Variants in NFIA observed in about 807,000 individuals in gnomAD.
The protein encoded by NFIA is nuclear factor I A, also known as nuclear factor 1 A-type.
NFIA carries 8 observed loss-of-function variants against 62.8 expected under a neutral mutation model. That is an observed-to-expected ratio of 0.13 (90% CI 0.07 to 0.23). The LOEUF (loss-of-function observed/expected upper bound fraction) is 0.23, where lower values mean the gene tolerates loss of function less well. Ranked by LOEUF, NFIA falls within the 10% of genes least tolerant of loss-of-function variation. NFIA has a pLI of 1.00. For synonymous variants in NFIA, 235 were observed against 238.1 expected, an observed-to-expected ratio of 0.99 and a Z score of 0.12; for missense variants, 410 against 642.1, an observed-to-expected ratio of 0.64 and a Z score of 3.91.
intron 5 of NFIA, among the ~76,000 whole-genome samples, chr1:61,355,120 A>AT (rs955236740): frequency 6.6e-6 from 1 of 152,150 alleles, no homozygotes; most frequent in Admixed American, 6.6e-5. Context: ...CTTTTACCTT[A>AT]TTTTTTAGAT....
intron 2 of NFIA, chr1:61,132,622 A>G (rs1264489547): frequency 6.6e-6 from 1 of 152,206 alleles, no homozygotes; most frequent in Non-Finnish European, 1.5e-5. Flanking sequence ...GTTGCTGGCT[A>G]AAAAGACAAT....
At chr1:61,232,749 C>T (rs895912008) in intron 2 of NFIA, among the ~76,000 whole-genome samples, 1 of 152,072 alleles carries the variant, frequency 6.6e-6, no homozygotes, top group African/African-American at 2.4e-5. Flanking sequence ...TTTTCCTGCT[C>T]TAAGTATAAA....
intron 2 of NFIA, among the ~76,000 whole-genome samples, chr1:61,200,535 G>T (rs1652402512): frequency 6.6e-6 from 1 of 152,104 alleles, no homozygotes; most frequent in Non-Finnish European, 1.5e-5. Flanking sequence ...TGATCTGCCA[G>T]TCAACAATTG....
Position 61,088,028 on chromosome 1 carries a change from A to G in NFIA, c.28-121A>G. The G allele has an allele frequency of 2.0e-6, 2 of 993,118 alleles. No homozygotes were observed. The highest frequency in any genetic ancestry group is 2.9e-6 in the Non-Finnish European group (2 of 683,372). The allele number at this position is 993,118 out of a possible 1,614,324, so 61.5% of individuals were successfully genotyped here. A position where few individuals can be genotyped will look rare whatever the true frequency, so the allele number is the denominator to read the frequency against. On this transcript the variant is annotated intron_variant, in intron 1 of 10. Coordinates refer to ENST00000403491, the MANE Select transcript of NFIA (RefSeq NM_001134673.4). The surrounding 1 kb of genome is among the most constrained non-coding windows in gnomAD (Gnocchi z 4.5). Reference sequence around the variant, plus strand: ...ATCCTGTGTATGATTTTGGTAACAGAATGCTCTAATCAAATTTCAAGTGAA... The same window carrying G: ...ATCCTGTGTATGATTTTGGTAACAGGATGCTCTAATCAAATTTCAAGTGAA...
At chr1:61,260,137 G>A (rs779940315) in intron 2 of NFIA, among the ~76,000 whole-genome samples, 1 of 152,210 alleles carries the variant, frequency 6.6e-6, no homozygotes, top group Non-Finnish European at 1.5e-5. Context: ...GGTCGCAGAC[G>A]TCTTTCACAG....
chr1:61,162,592 C>T (rs925526086), intron 2 of NFIA, among the ~76,000 whole-genome samples: 2 of 152,118 alleles, frequency 1.3e-5, no homozygotes, highest in Non-Finnish European at 2.9e-5. Context: ...TATCCGTATT[C>T]TTAGTTTCTA....
chr1:61,092,171 T>C (rs1186005130), intron 2 of NFIA, among the ~76,000 whole-genome samples: 1 of 152,206 alleles, frequency 6.6e-6, no homozygotes, highest in African/African-American at 2.4e-5. Context: ...GCCTAAAAGC[T>C]AAATCACAGT....
At chr1:61,080,010 TC>T (rs1175238045), upstream of NFIA, among the ~76,000 whole-genome samples, 5 of 151,348 alleles carry the variant, frequency 3.3e-5, no homozygotes, top group Non-Finnish European at 5.9e-5. Context: ...TTCCCCCGCC[TC>T]CCCCCCTCCC....
intron 5 of NFIA, among the ~76,000 whole-genome samples, chr1:61,358,847 G>A (rs893748518): frequency 6.6e-6 from 1 of 151,928 alleles, no homozygotes; most frequent in Non-Finnish European, 1.5e-5. Context: ...ACACTTCCAG[G>A]TGGAGGCAGG....
intron 2 of NFIA, among the ~76,000 whole-genome samples, chr1:61,169,989 A>T (rs1649841788): frequency 1.3e-5 from 2 of 152,150 alleles, no homozygotes; most frequent in South Asian, 4.1e-4. Flanking sequence ...GTGGTACAGA[A>T]AGGAAGATTT....
At chr1:61,350,183 C>G (rs1234815620) in intron 4 of NFIA, among the ~76,000 whole-genome samples, 1 of 152,194 alleles carries the variant, frequency 6.6e-6, no homozygotes, top group East Asian at 1.9e-4. Context: ...CAACCCATTC[C>G]ATTGACCAGT....
intron 10 of NFIA, among the ~76,000 whole-genome samples, chr1:61,443,068 A>AGTTCAGG (rs1667655573): frequency 6.6e-6 from 1 of 152,202 alleles, no homozygotes. Flanking sequence ...AGCTAGGTTG[A>AGTTCAGG]GTTCAGGGGA....
chr1:61,337,413 T>C (rs1202740339), intron 4 of NFIA, among the ~76,000 whole-genome samples: 1 of 152,124 alleles, frequency 6.6e-6, no homozygotes, highest in African/African-American at 2.4e-5. Context: ...CATAAAAATC[T>C]ATATTTGTTC....
At chr1:61,385,097 G>A (rs188283587) in intron 7 of NFIA, among the ~76,000 whole-genome samples, 27 of 150,486 alleles carry the variant, frequency 1.8e-4, no homozygotes, top group African/African-American at 6.1e-4. Context: ...TTAGCCAGGT[G>A]TGGTGGCACA....
intron 2 of NFIA, among the ~76,000 whole-genome samples, chr1:61,262,813 G>A (rs1431418666): frequency 6.6e-6 from 1 of 152,118 alleles, no homozygotes; most frequent in Non-Finnish European, 1.5e-5. Context: ...GTGCTATTTT[G>A]GGAGGTGATA....
chr1:61,345,917 A>G (rs1238400626), intron 4 of NFIA, among the ~76,000 whole-genome samples: 1 of 152,134 alleles, frequency 6.6e-6, no homozygotes, highest in African/African-American at 2.4e-5. Flanking sequence ...ATAAATCGTG[A>G]TGGTGATGGT....
At chr1:61,437,882 C>A (rs17122212) in intron 10 of NFIA, among the ~76,000 whole-genome samples, 3 of 151,924 alleles carry the variant, frequency 2.0e-5, no homozygotes, top group African/African-American at 7.3e-5. Context: ...TTACAGTAGA[C>A]GGCAGAAACA....
At chr1:61,325,160 T>G (rs1420578033) in intron 3 of NFIA, among the ~76,000 whole-genome samples, 1 of 152,220 alleles carries the variant, frequency 6.6e-6, no homozygotes, top group Non-Finnish European at 1.5e-5. Context: ...ATGTAAATCT[T>G]GGGACCTTTT....
chr1:61,236,259 G>A (rs184339031), intron 2 of NFIA, among the ~76,000 whole-genome samples: 1 of 152,224 alleles, frequency 6.6e-6, no homozygotes, highest in African/African-American at 2.4e-5. Flanking sequence ...GACAAACCCA[G>A]TAGCCATCTG....
Sources: gnomAD v4.1 joint callset for allele counts (sites outside exome capture counted in the v4.1 genomes callset) on GRCh38, gnomAD v4.1.1 for gene constraint, Gnocchi (gnomAD v3.1) non-coding constraint, MANE v1.5 for transcripts, NCBI Gene and HGNC (gene_info 2026-07-23, HGNC 2026-07-21) for gene names.